The following AATK variants were observed in gnomAD, a reference collection of about 807,000 sequenced individuals.
AATK encodes serine/threonine-protein kinase LMTK1.
A neutral mutation model predicts 114.3 loss-of-function variants in AATK; 91 were observed. That is an observed-to-expected ratio of 0.80 (90% confidence interval 0.67 to 0.95). The LOEUF (loss-of-function observed/expected upper bound fraction) is 0.95, where lower values mean the gene tolerates loss of function less well. Ranked by LOEUF, AATK falls within the 40% of genes least tolerant of loss-of-function variation. The probability of loss-of-function intolerance (pLI) is 0.00; values close to 1 mark genes in which losing one functional copy is unlikely to be tolerated. For missense variants in AATK, 2,176 were observed against 1,965.2 expected (o/e 1.11, Z -2.03); for synonymous variants, 1,075 against 916.5 (o/e 1.17, Z -3.12).
At position 81,120,040 on chromosome 17, in the gene AATK, T is replaced by C; in HGVS notation, c.3779A>G (p.Lys1260Arg). Reference protein sequence around the residue: ...RELGEPFPGAKESPPTFLRGS... With the variant: ...RELGEPFPGARESPPTFLRGS... Reference sequence around the variant, plus strand: ...CCTAAGGAACGTAGGGGGCGATTCCTTGGCGCCCGGGAAGGGCTCCCCGAG... The same window carrying C: ...CCTAAGGAACGTAGGGGGCGATTCCCTGGCGCCCGGGAAGGGCTCCCCGAG... Residue 1260 changes from lysine to arginine, a missense_variant, in exon 12 of 14, where the codon AAG becomes AGG. Physicochemically the swap from Lys to Arg is conservative, Grantham distance 26 (BLOSUM62 2). Coordinates refer to ENST00000326724, the MANE Select transcript of AATK (RefSeq NM_001080395.3). 1.4e-6 allele frequency: 2 copies of C among 1,456,308 alleles called. No homozygotes were observed. Among genetic ancestry groups the C allele is most frequent in the South Asian group, 1.4e-5 (1 of 72,910 alleles). 90.2% of individuals were successfully genotyped at this position (1,456,308 alleles called of 1,614,324 possible).
chr17:81,118,993 C>T (rs981662517), intron 13 of AATK, among the ~76,000 whole-genome samples: 2 of 152,210 alleles, frequency 1.3e-5, no homozygotes, highest in Admixed American at 6.5e-5. Flanking sequence ...CCCAGCAGGG[C>T]TCCACCTGGG....
intron 1 of AATK, among the ~76,000 whole-genome samples, chr17:81,136,808 T>C (rs2061017142): frequency 1.3e-5 from 2 of 151,784 alleles, no homozygotes; most frequent in Non-Finnish European, 2.9e-5. Flanking sequence ...AGCCAGAGGG[T>C]TGCAAGGAGA....
intron 1 of AATK, among the ~76,000 whole-genome samples, chr17:81,150,971 G>T (rs1024297460): frequency 1.2e-4 from 19 of 152,314 alleles, no homozygotes; most frequent in African/African-American, 4.1e-4. Flanking sequence ...AGCCCAGAGT[G>T]GTCCCCATTG....
intron 12 of AATK, among the ~76,000 whole-genome samples, 167 bp downstream of exon 12, chr17:81,119,769 A>C (rs1411804734): frequency 6.7e-6 from 1 of 149,522 alleles, no homozygotes; most frequent in African/African-American, 2.5e-5. Flanking sequence ...CCGTGACGTC[A>C]CGTACCAGAC....
At chr17:81,122,965 G>C in intron 10 of AATK, 142 bp from the exon 11 acceptor site, 1 of 970,794 alleles carries the variant, frequency 1.0e-6, no homozygotes. Flanking sequence ...CCCCAAATCT[G>C]CCAAGGCAAG....
chr17:81,119,675 C>G lies in AATK; in HGVS notation c.3884-95G>C, dbSNP rs143061922. On this transcript the variant is annotated intron_variant, in intron 12 of 13. Coordinates refer to ENST00000326724, the MANE Select transcript of AATK (RefSeq NM_001080395.3). ...CACGGGCCCAGGCCCCGCCTCCCAT[C>G]ATGTCACGGGCCCAGGCCCCGCCTC... 1.4e-3 allele frequency: 809 copies of G among 558,696 alleles called. 9 individuals are homozygous for G. The highest frequency in any genetic ancestry group is 5.7e-3 in the East Asian group (76 of 13,388). The allele number at this position is 558,696 out of a possible 1,614,324, so 34.6% of individuals were successfully genotyped here.
At chr17:81,148,762 G>A (rs1053743341) in intron 1 of AATK, among the ~76,000 whole-genome samples, 8 of 151,986 alleles carry the variant, frequency 5.3e-5, no homozygotes, top group Non-Finnish European at 8.8e-5. Flanking sequence ...AAATGCACAC[G>A]CTCCCACTCA....
In AATK at chr17:81,118,303, C is replaced by T; in HGVS notation, c.*99G>A. ...GGCACCTGAATCTGCTGCCAACAGCCACCAGGACGTGGTCCCCACCTTCTC... is the reference window on the plus strand; with the variant it reads ...GGCACCTGAATCTGCTGCCAACAGCTACCAGGACGTGGTCCCCACCTTCTC... On this transcript the variant is annotated 3_prime_UTR_variant, in exon 14 of 14. Transcript: ENST00000326724. 4 of 1,305,918 alleles carry T rather than the reference C, an allele frequency of 3.1e-6. No homozygotes were observed. The highest frequency in any genetic ancestry group is 4.3e-6 in the Non-Finnish European group (4 of 938,886). 80.9% of individuals were successfully genotyped at this position (1,305,918 alleles called of 1,614,324 possible).
Position 81,126,435 on chromosome 17 carries a change from G to A in AATK, c.747C>T (p.Phe249=), listed in dbSNP as rs562226740. 55 of 1,562,952 alleles carry A rather than the reference G, an allele frequency of 3.5e-5. No individual in the cohort carries two copies. The highest frequency in any genetic ancestry group is 9.4e-5 in the South Asian group (8 of 84,864). Reference sequence around the variant, plus strand: ...CCCGCGCCCGCCCTCACCTGTGCACGAAATTGTTGCGATGAAGGTGCAGGA... The same window carrying A: ...CCCGCGCCCGCCCTCACCTGTGCACAAAATTGTTGCGATGAAGGTGCAGGA... ...CGVLHLHRNN[F]VHSDLALRNC... is the part of the protein sequence containing the mutation. The change falls in exon 7 of 14, where the codon TTC becomes TTT. Residue 249 remains phenylalanine, a synonymous_variant. Coordinates refer to ENST00000326724, the MANE Select transcript of AATK (RefSeq NM_001080395.3). The surrounding 1 kb of genome is among the most constrained non-coding windows in gnomAD (Gnocchi z 5.1).
At chr17:81,140,705 G>C (rs1275078668) in intron 1 of AATK, among the ~76,000 whole-genome samples, 2 of 123,260 alleles carry the variant, frequency 1.6e-5, no homozygotes, top group East Asian at 4.6e-4. Context: ...TGAGCTGTGG[G>C]GCGGTGAGAC....
At chr17:81,130,711 GCACCCCTGCCCCAGTGCC>G (rs1568230054) in intron 3 of AATK, among the ~76,000 whole-genome samples, 2 of 151,946 alleles carry the variant, frequency 1.3e-5, no homozygotes, top group Admixed American at 1.3e-4. Context: ...CAGAGAGCCC[GCACCCCTGCCCCAGTGCC>G]CACCCCTGCC....
In AATK at chr17:81,120,463, G is replaced by A. The variant is rs903090298; in HGVS notation, c.3473C>T (p.Pro1158Leu). 1.1e-5 allele frequency: 17 copies of A among 1,538,628 alleles called. No individual in the cohort carries two copies. The highest frequency in any genetic ancestry group is 8.2e-5 in the African/African-American group (6 of 72,828). ...PGLPAALEGRPEEEEEDSEDS... is the reference protein window; with the variant it reads ...PGLPAALEGRLEEEEEDSEDS... ...CTCACTGTCCTCCTCCTCCTCCTCC[G>A]GCCGGCCCTCCAAGGCCGCAGGGAG... The change falls in exon 11 of 14, where the codon CCG becomes CTG. Residue 1158 changes from proline to leucine, a missense_variant. Physicochemically the swap from Pro to Leu is moderately conservative, Grantham distance 98. This residue lies in a region of AATK where 1,701 missense variants were observed against 1,394.7 expected (regional missense o/e 1.22). Transcript: ENST00000326724.
At position 81,124,984 on chromosome 17, in the gene AATK, C is replaced by A; in HGVS notation, c.786G>T (p.Thr262=). 6.3e-7 allele frequency: 1 copy of A among 1,576,858 alleles called. No individual in the cohort carries two copies. The highest frequency in any genetic ancestry group is 2.3e-5 in the East Asian group (1 of 43,564). Residue 262 remains threonine, a synonymous_variant, in exon 8 of 14, where the codon ACG becomes ACT. Transcript: ENST00000326724. ...CACCAATCTTCACCGTCAGGTCAGCCGTGAGCAGGCAGTTCCGCAGGGCCA... is the reference window on the plus strand; with the variant it reads ...CACCAATCTTCACCGTCAGGTCAGCAGTGAGCAGGCAGTTCCGCAGGGCCA... The part of the protein sequence containing the change: ...SDLALRNCLL[T]ADLTVKIGDY...
Position 81,122,492 on chromosome 17 carries a change from C to CA in AATK, c.1443_1444insT (p.Glu482Ter). ...AAGGCCTCCGCGCCGCGGCCCGCCTCCCACTTGTACTCAAAATTGAGGCCT... is the reference window on the plus strand; with the variant it reads ...AAGGCCTCCGCGCCGCGGCCCGCCTCACCACTTGTACTCAAAATTGAGGCCT... On this transcript the variant is annotated frameshift_variant, in exon 11 of 14. Coordinates refer to ENST00000326724, the MANE Select transcript of AATK (RefSeq NM_001080395.3). LOFTEE classifies it high-confidence loss of function. 6.8e-7 allele frequency: 1 copy of CA among 1,464,302 alleles called. No individual in the cohort carries two copies. The highest frequency in any genetic ancestry group is 9.1e-7 in the Non-Finnish European group (1 of 1,103,142). 90.7% of individuals were successfully genotyped at this position (1,464,302 alleles called of 1,614,324 possible).
intron 1 of AATK, among the ~76,000 whole-genome samples, chr17:81,139,731 C>A (rs1276983388): frequency 3.9e-5 from 6 of 152,256 alleles, no homozygotes; most frequent in Non-Finnish European, 2.9e-5. Flanking sequence ...CTCCACTGCG[C>A]TGCTGAGGCT....
Position 81,119,476 on chromosome 17 carries a change from T to TGGGCGTGGGCGCAGCCG in AATK, c.3971_3987dup (p.Thr1330ArgfsTer106), listed in dbSNP as rs2060660324. The TGGGCGTGGGCGCAGCCG allele has an allele frequency of 1.3e-6, 2 of 1,507,604 alleles. No homozygotes were observed. Among genetic ancestry groups the TGGGCGTGGGCGCAGCCG allele is most frequent in the Non-Finnish European group, 1.8e-6 (2 of 1,131,194 alleles). 93.4% of individuals were successfully genotyped at this position (1,507,604 alleles called of 1,614,324 possible). Reference sequence around the variant, plus strand: ...GTGAAGCGCGAGAAGGGAGCGGGCGTGGGCGTGGGCGCAGCCGGGGCGGGT... The same window carrying TGGGCGTGGGCGCAGCCG: ...GTGAAGCGCGAGAAGGGAGCGGGCGTGGGCGTGGGCGCAGCCGGGGCGTGGGCGCAGCCGGGGCGGGT... On this transcript the variant is annotated frameshift_variant, in exon 13 of 14. Coordinates refer to ENST00000326724, the MANE Select transcript of AATK (RefSeq NM_001080395.3). LOFTEE classifies it high-confidence loss of function.
chr17:81,147,122 G>A (rs1160946571), intron 1 of AATK, among the ~76,000 whole-genome samples: 1 of 151,508 alleles, frequency 6.6e-6, no homozygotes, highest in Non-Finnish European at 1.5e-5. Context: ...CAGCACTCTG[G>A]GAGGCCGAGG....
intron 3 of AATK, among the ~76,000 whole-genome samples, chr17:81,129,845 G>T (rs935610166): frequency 1.3e-5 from 2 of 152,204 alleles, no homozygotes; most frequent in Non-Finnish European, 2.9e-5. Context: ...GCTCTGAGTG[G>T]GTGGCTGCAG....
At position 81,121,320 on chromosome 17, in the gene AATK, G is replaced by A. The variant is rs373775661; in HGVS notation, c.2616C>T (p.Thr872=). The A allele has an allele frequency of 1.3e-4, 203 of 1,611,140 alleles. No homozygotes were observed. Among genetic ancestry groups the A allele is most frequent in the Middle Eastern group, 3.3e-4 (2 of 6,050 alleles). ...CCTGCAGGCCGTCGCTGGACGTGTC[G>A]GTGAAGATGCCTGAGGTGGCCTCGG... is the stretch of plus-strand genomic sequence containing the variant. ...DTAEATSGIF[T]DTSSDGLQAR... The change falls in exon 11 of 14, where the codon ACC becomes ACT. Residue 872 remains threonine, a synonymous_variant. Coordinates refer to ENST00000326724, the MANE Select transcript of AATK (RefSeq NM_001080395.3).
Sources: gnomAD v4.1 joint callset for allele counts (sites outside exome capture counted in the v4.1 genomes callset) on GRCh38, gnomAD v4.1.1 for gene constraint, gnomAD v4.1.1 regional missense constraint, Gnocchi (gnomAD v3.1) non-coding constraint, MANE v1.5 for transcripts, NCBI Gene and HGNC (gene_info 2026-07-23, HGNC 2026-07-21) for gene names.